ANKH: variants seen among roughly 807,000 people sequenced by gnomAD.
ANKH encodes the protein ANKH inorganic pyrophosphate transport regulator, also known as mineralization regulator ANKH.
Under a neutral mutation model 49.0 loss-of-function variants are expected in ANKH, and 15 were observed. That is an observed-to-expected ratio of 0.31 (90% confidence interval 0.20 to 0.47). ANKH has a LOEUF of 0.47. Ranked by LOEUF, ANKH falls within the 20% of genes least tolerant of loss-of-function variation. ANKH has a pLI of 1.00. For synonymous variants in ANKH, 273 were observed against 260.0 expected (o/e 1.05, Z -0.48); for missense variants, 429 against 652.0 (o/e 0.66, Z 3.72).
chr5:14,810,093 A>T (rs1740832538), intron 1 of ANKH, among the ~76,000 whole-genome samples: 1 of 152,050 alleles, frequency 6.6e-6, no homozygotes, highest in Non-Finnish European at 1.5e-5. Flanking sequence ...GGAGGGAAGA[A>T]GCAATTTCCA....
chr5:14,808,847 G>T (rs993607512), intron 1 of ANKH, among the ~76,000 whole-genome samples: 72 of 124,242 alleles, frequency 5.8e-4, no homozygotes, highest in African/African-American at 1.7e-3. Context: ...TATACCCAAA[G>T]GACTATAAAT....
intron 2 of ANKH, among the ~76,000 whole-genome samples, chr5:14,760,168 C>A (rs1021459121): frequency 2.0e-4 from 30 of 152,038 alleles, no homozygotes; most frequent in Admixed American, 5.9e-4. Context: ...AGTAGCTGGG[C>A]CATCAGAACC....
At chr5:14,798,864 T>G (rs1036806350) in intron 1 of ANKH, among the ~76,000 whole-genome samples, 1 of 152,118 alleles carries the variant, frequency 6.6e-6, no homozygotes, top group South Asian at 2.1e-4. Context: ...AACCCTACAA[T>G]GGCCTCTAAC....
At chr5:14,760,684 G>A (rs1480895664) in intron 2 of ANKH, among the ~76,000 whole-genome samples, 1 of 152,216 alleles carries the variant, frequency 6.6e-6, no homozygotes, top group Non-Finnish European at 1.5e-5. Flanking sequence ...AGGCAGCTGT[G>A]CCAGGCGAGT....
At chr5:14,730,435 C>CT (rs1159107981) in intron 8 of ANKH, among the ~76,000 whole-genome samples, 1 of 152,160 alleles carries the variant, frequency 6.6e-6, no homozygotes, top group Non-Finnish European at 1.5e-5. Flanking sequence ...CTGAAAAACT[C>CT]TCAGAAGACA....
At chr5:14,721,041 T>TG (rs1436852041) in intron 8 of ANKH, among the ~76,000 whole-genome samples, 2 of 152,132 alleles carry the variant, frequency 1.3e-5, no homozygotes, top group African/African-American at 2.4e-5. Context: ...GAGCAGTGGG[T>TG]GGGGGGTCAG....
At chr5:14,785,087 G>A (rs1212498843) in intron 1 of ANKH, among the ~76,000 whole-genome samples, 1 of 152,196 alleles carries the variant, frequency 6.6e-6, no homozygotes, top group Admixed American at 6.5e-5. Flanking sequence ...AGAGCAGACA[G>A]TGAAGCTCTC....
At chr5:14,846,508 A>G (rs181978490) in intron 1 of ANKH, among the ~76,000 whole-genome samples, 1 of 152,320 alleles carries the variant, frequency 6.6e-6, no homozygotes, top group East Asian at 1.9e-4. Flanking sequence ...AGCTTTTCAA[A>G]GGATGTTTTT....
intron 1 of ANKH, among the ~76,000 whole-genome samples, chr5:14,829,723 T>G (rs556474862): frequency 4.6e-5 from 7 of 152,312 alleles, no homozygotes; most frequent in Middle Eastern, 3.4e-3. Context: ...AAAGATTTGT[T>G]GCACATTTCC....
intron 4 of ANKH, among the ~76,000 whole-genome samples, chr5:14,752,465 A>G (rs986610506): frequency 7.2e-5 from 11 of 152,226 alleles, no homozygotes; most frequent in African/African-American, 2.2e-4. Context: ...TCTCTATTCA[A>G]TGGTACAGTC....
At chr5:14,812,117 T>TAAAAAAA (rs55728743) in intron 1 of ANKH, among the ~76,000 whole-genome samples, 5 of 126,556 alleles carry the variant, frequency 4.0e-5, no homozygotes, top group African/African-American at 6.0e-5. Flanking sequence ...GTATTTATCT[T>TAAAAAAA]AAAAAAAAAA....
chr5:14,859,215 C>T (rs1735401905), intron 1 of ANKH, among the ~76,000 whole-genome samples: 1 of 152,188 alleles, frequency 6.6e-6, no homozygotes, highest in Non-Finnish European at 1.5e-5. Flanking sequence ...TACCTTCTAT[C>T]TCTACAAACT....
rs184937374 is a variant in ANKH at position 14,811,284 on chromosome 5, C to A, written c.97-42093G>T. 5.5e-3 allele frequency among the ~76,000 whole-genome samples: 830 copies of A among 152,280 alleles called. 1 individual carries two copies. Among genetic ancestry groups the A allele is most frequent in the Non-Finnish European group, 8.2e-3 (556 of 68,024 alleles). On this transcript the variant is annotated intron_variant, in intron 1 of 11. Transcript: ENST00000284268. Reference sequence around the variant, plus strand: ...AGACAGTGCTGACCAATAACCACAGCACAGCGACAGGGAAGGGGGAAAAGA... The same window carrying A: ...AGACAGTGCTGACCAATAACCACAGAACAGCGACAGGGAAGGGGGAAAAGA...
intron 1 of ANKH, among the ~76,000 whole-genome samples, chr5:14,862,338 C>T (rs1230988894): frequency 6.6e-6 from 1 of 152,180 alleles, no homozygotes; most frequent in Non-Finnish European, 1.5e-5. Context: ...GAAATCCCTC[C>T]TAAATGTTTT....
chr5:14,721,705 A>T lies in ANKH; in HGVS notation c.1012-4870T>A, dbSNP rs373164436. ...CAGCACTTTGGGAGGCCAAGGTGGG[A>T]GGATCACAAGGTCAGGAGATCGAGA... is the stretch of plus-strand genomic sequence containing the variant. On this transcript the variant is annotated intron_variant, in intron 8 of 11. Transcript: ENST00000284268. Among the ~76,000 whole-genome samples, 81 of 152,150 alleles carry T rather than the reference A, an allele frequency of 5.3e-4. 2 individuals are homozygous for T. In the East Asian group the frequency reaches 0.012, roughly 22 times the overall value.
intron 1 of ANKH, among the ~76,000 whole-genome samples, chr5:14,863,406 T>C (rs1735557404): frequency 6.6e-6 from 1 of 152,160 alleles, no homozygotes; most frequent in Non-Finnish European, 1.5e-5. Context: ...AAAGATGCTA[T>C]GTTATGATTT....
intron 1 of ANKH, among the ~76,000 whole-genome samples, chr5:14,823,845 G>A (rs1741263473): frequency 6.6e-6 from 1 of 152,268 alleles, no homozygotes; most frequent in East Asian, 1.9e-4. Flanking sequence ...GAGGATTGAG[G>A]CTTGAACCTA....
chr5:14,853,982 T>C (rs548819287), intron 1 of ANKH, among the ~76,000 whole-genome samples: 1 of 152,272 alleles, frequency 6.6e-6, no homozygotes, highest in South Asian at 2.1e-4. Flanking sequence ...AATGTTATCC[T>C]TAGCAGAACA....
chr5:14,844,997 G>C (rs1741915108), intron 1 of ANKH, among the ~76,000 whole-genome samples: 1 of 149,406 alleles, frequency 6.7e-6, no homozygotes, highest in South Asian at 2.1e-4. Context: ...ACTTCTTCCT[G>C]CTCTTTTATT....
Sources: gnomAD v4.1 joint callset for allele counts (sites outside exome capture counted in the v4.1 genomes callset) on GRCh38, gnomAD v4.1.1 for gene constraint, MANE v1.5 for transcripts, NCBI Gene and HGNC (gene_info 2026-07-23, HGNC 2026-07-21) for gene names.